The following DGKB variants were observed in gnomAD, a reference collection of about 807,000 sequenced individuals.
The protein encoded by DGKB is diacylglycerol kinase beta.
Under a neutral mutation model 114.3 loss-of-function variants are expected in DGKB, and 67 were observed. The ratio of observed to expected loss-of-function variants is 0.59; its 90% confidence interval spans 0.48 to 0.72. The LOEUF is 0.72. Among genes scored for constraint, DGKB ranks in the 30% least tolerant of loss-of-function variants. DGKB has a pLI of 0.00. For synonymous variants in DGKB, 398 were observed against 323.1 expected (o/e 1.23, Z -2.49); for missense variants, 907 against 975.2 (o/e 0.93, Z 0.93).
intron 1 of DGKB, among the ~76,000 whole-genome samples, chr7:14,966,068 C>A (rs904044354): frequency 2.0e-5 from 3 of 151,868 alleles, no homozygotes; most frequent in African/African-American, 7.2e-5. Flanking sequence ...CTTAAAATGT[C>A]TAAAATCTTC....
At chr7:14,443,128 T>C (rs959486312) in intron 21 of DGKB, among the ~76,000 whole-genome samples, 15 of 152,184 alleles carry the variant, frequency 9.9e-5, no homozygotes, top group African/African-American at 3.6e-4. Context: ...CTATTTTTAT[T>C]GCCTTTTCTA....
chr7:14,905,180 A>G (rs1246204911), upstream of DGKB, among the ~76,000 whole-genome samples: 1 of 151,858 alleles, frequency 6.6e-6, no homozygotes, highest in Admixed American at 6.6e-5. Context: ...TGGTCTGGGT[A>G]GAGCTGGAAG....
chr7:14,477,153 T>C (rs1342355126), intron 21 of DGKB, among the ~76,000 whole-genome samples: 2 of 152,210 alleles, frequency 1.3e-5, no homozygotes, highest in African/African-American at 4.8e-5. Flanking sequence ...TTTTAATATT[T>C]AGAAAACTAT....
chr7:14,234,028 T>C (rs976760), intron 23 of DGKB, among the ~76,000 whole-genome samples: 105,020 of 151,956 alleles, frequency 0.69, 36,913 homozygotes, highest in Non-Finnish European at 0.75. Flanking sequence ...CATGGTATCT[T>C]TGTGGTCCCC....
intron 1 of DGKB, among the ~76,000 whole-genome samples, chr7:14,882,075 A>T (rs976931932): frequency 1.3e-5 from 2 of 152,066 alleles, no homozygotes; most frequent in African/African-American, 4.8e-5. Flanking sequence ...CTTAAAAAAA[A>T]ATTCTACTTC....
chr7:14,947,238 A>G (rs1039417508), intron 1 of DGKB, among the ~76,000 whole-genome samples: 2 of 151,708 alleles, frequency 1.3e-5, no homozygotes, highest in Non-Finnish European at 3.0e-5. Flanking sequence ...CTGTTTAGGT[A>G]TCTGAGAGCC....
At chr7:14,715,736 T>C (rs1828078167) in intron 6 of DGKB, among the ~76,000 whole-genome samples, 1 of 152,156 alleles carries the variant, frequency 6.6e-6, no homozygotes, top group Admixed American at 6.6e-5. Context: ...AGCAAAACAA[T>C]GTACAGAGGG....
At chr7:14,870,310 T>C (rs1852266535) in intron 1 of DGKB, among the ~76,000 whole-genome samples, 1 of 152,224 alleles carries the variant, frequency 6.6e-6, no homozygotes, top group Admixed American at 6.5e-5. Flanking sequence ...TCAAACGATA[T>C]TGAATAAATG....
chr7:14,604,719 CA>C (rs909276652), intron 17 of DGKB, among the ~76,000 whole-genome samples: 5 of 152,038 alleles, frequency 3.3e-5, no homozygotes, highest in African/African-American at 1.2e-4. Context: ...TGATCAGGGG[CA>C]ATACAGCTAG....
At chr7:14,562,187 G>A (rs1216387105) in intron 20 of DGKB, among the ~76,000 whole-genome samples, 1 of 152,224 alleles carries the variant, frequency 6.6e-6, no homozygotes, top group Non-Finnish European at 1.5e-5. Context: ...GAGCCTGCAG[G>A]TACATAGAAG....
intron 12 of DGKB, among the ~76,000 whole-genome samples, chr7:14,681,548 A>G (rs1245084466): frequency 6.6e-6 from 1 of 151,932 alleles, no homozygotes; most frequent in Non-Finnish European, 1.5e-5. Flanking sequence ...ACAGTTATTT[A>G]CTTAACTGAT....
chr7:14,476,385 G>A (rs1173026167), intron 21 of DGKB, among the ~76,000 whole-genome samples: 2 of 151,972 alleles, frequency 1.3e-5, no homozygotes, highest in Non-Finnish European at 2.9e-5. Flanking sequence ...AAATAAAAAT[G>A]TCTATTCTAG....
chr7:14,204,310 T>C (rs1449019897), intron 23 of DGKB, among the ~76,000 whole-genome samples: 6 of 151,974 alleles, frequency 3.9e-5, no homozygotes, highest in Non-Finnish European at 7.4e-5. Flanking sequence ...CTTATATATG[T>C]ACCCATGTTT....
At position 14,334,586 on chromosome 7, in the gene DGKB, A is replaced by AT. The variant is rs879263838; in HGVS notation, c.2122+3928dup. ...TTATTGTCCGCAAATCTGGCAATGA[A>AT]TTTTTTTTTTTTACATTTATTACAG... On this transcript the variant is annotated intron_variant, in intron 23 of 25. Transcript: ENST00000402815. 3.7e-3 allele frequency among the ~76,000 whole-genome samples: 543 copies of AT among 147,660 alleles called. 5 individuals are homozygous for AT. Among genetic ancestry groups the AT allele is most frequent in the East Asian group, 0.032 (164 of 5,088 alleles).
intron 6 of DGKB, among the ~76,000 whole-genome samples, chr7:14,710,382 A>G (rs1056735714): frequency 2.0e-5 from 3 of 152,256 alleles, no homozygotes; most frequent in African/African-American, 7.2e-5. Flanking sequence ...CTTGCTAAAC[A>G]CACTTATTAA....
chr7:14,157,375 G>T (rs184388900), intron 25 of DGKB, among the ~76,000 whole-genome samples: 2 of 145,096 alleles, frequency 1.4e-5, no homozygotes, highest in Non-Finnish European at 3.0e-5. Context: ...CCTTTTGCCA[G>T]TTTTTTTTTT....
chr7:14,782,760 G>T (rs1446299399), intron 2 of DGKB, among the ~76,000 whole-genome samples: 1 of 152,136 alleles, frequency 6.6e-6, no homozygotes, highest in African/African-American at 2.4e-5. Context: ...TCTATTCGAG[G>T]TTAGTGTAAA....
chr7:14,893,425 C>A (rs772425252), intron 1 of DGKB, among the ~76,000 whole-genome samples: 8 of 151,316 alleles, frequency 5.3e-5, no homozygotes, highest in Non-Finnish European at 8.9e-5. Context: ...TGTTTTCATT[C>A]TTTGCAAACT....
At chr7:14,404,815 C>T (rs1823680360) in intron 21 of DGKB, among the ~76,000 whole-genome samples, 1 of 151,794 alleles carries the variant, frequency 6.6e-6, no homozygotes, top group Admixed American at 6.6e-5. Flanking sequence ...AACCTACACT[C>T]TCTGCTTTTC....
Sources: allele counts gnomAD v4.1 joint callset (sites outside exome capture counted in the v4.1 genomes callset), GRCh38; gene constraint gnomAD v4.1.1; transcripts MANE v1.5; gene names NCBI Gene and HGNC (gene_info 2026-07-23, HGNC 2026-07-21).